Variants in GTF2E1 observed in about 807,000 individuals in gnomAD.
The protein encoded by GTF2E1 is TFIIE alpha subunit.
GTF2E1 carries 14 observed loss-of-function variants against 34.9 expected under a neutral mutation model. The observed-to-expected ratio is 0.40, with a 90% CI of 0.27 to 0.63. The LOEUF is 0.63. Among genes scored for constraint, GTF2E1 ranks in the 20% least tolerant of loss-of-function variants. GTF2E1 has a pLI of 0.39. For synonymous variants in GTF2E1, 188 were observed against 192.9 expected, an observed-to-expected ratio of 0.97 and a Z score of 0.21; for missense variants, 469 against 557.7, an observed-to-expected ratio of 0.84 and a Z score of 1.60.
chr3:120,776,192 G>C (rs1282730950), intron 3 of GTF2E1, among the ~76,000 whole-genome samples: 1 of 151,936 alleles, frequency 6.6e-6, no homozygotes, highest in African/African-American at 2.4e-5. Flanking sequence ...TACATCAGAG[G>C]ATCCCATGTT....
chr3:120,750,984 C>T lies in GTF2E1; in HGVS notation c.432C>T (p.Leu144=). ...STFTDLEANQ[L]FDPMTGTFRC... Reference sequence around the variant, plus strand: ...TCACAGACTTAGAAGCTAATCAGCTCTTTGATCCTATGACAGGTGAGGTTT... The same window carrying T: ...TCACAGACTTAGAAGCTAATCAGCTTTTTGATCCTATGACAGGTGAGGTTT... The change falls in exon 2 of 5, where the codon CTC becomes CTT. Residue 144 remains leucine (L), a synonymous_variant. Transcript: ENST00000283875. 6.2e-7 allele frequency: 1 copy of T among 1,610,758 alleles called. No individual in the cohort carries two copies. The highest frequency in any genetic ancestry group is 1.3e-5 in the African/African-American group (1 of 74,944).
Position 120,770,272 on chromosome 3 carries a change from T to A in GTF2E1, c.449-456T>A, listed in dbSNP as rs115028147. On this transcript the variant is annotated intron_variant, in intron 2 of 4. Transcript: ENST00000283875. ...TTAGATACAAATGGTTAATAAATTT[T>A]AAAAAATAGCCTGTGACAATGTTCA... Among the ~76,000 whole-genome samples the A allele has an allele frequency of 8.1e-3, 1,229 of 152,196 alleles. 13 individuals are homozygous for A. The highest frequency in any genetic ancestry group is 0.028 in the African/African-American group (1,173 of 41,520).
At chr3:120,749,792 C>T (rs1212881950) in intron 1 of GTF2E1, 4 of 152,166 alleles carry the variant, frequency 2.6e-5, no homozygotes, top group African/African-American at 4.8e-5. Context: ...TTTGAGAAGA[C>T]AGCTTTCTGG....
At chr3:120,765,212 A>G (rs959382090) in intron 2 of GTF2E1, among the ~76,000 whole-genome samples, 18 of 152,084 alleles carry the variant, frequency 1.2e-4, no homozygotes, top group Admixed American at 5.2e-4. Context: ...CTGTAGAAGA[A>G]TCCTGAGTTA....
In GTF2E1 at chr3:120,781,156, A is replaced by C; in HGVS notation, c.1006A>C (p.Met336Leu). Residue 336 changes from methionine to leucine, a missense_variant, in exon 5 of 5, where the codon ATG becomes CTG. Transcript: ENST00000283875. ...LIHEKKTSSA[M>L]AGSVGAAAPV... ...TCACGAGAAAAAGACTTCCTCTGCC[A>C]TGGCTGGTTCAGTGGGGGCAGCTGC... The C allele has an allele frequency of 6.2e-7, 1 of 1,614,154 alleles. No homozygotes were observed. The highest frequency in any genetic ancestry group is 8.5e-7 in the Non-Finnish European group (1 of 1,180,022).
intron 1 of GTF2E1, chr3:120,749,872 G>A (rs1416858712): frequency 6.6e-6 from 1 of 152,124 alleles, no homozygotes; most frequent in Non-Finnish European, 1.5e-5. Context: ...AGAATATTTT[G>A]GGCTGCTCTC....
At position 120,769,572 on chromosome 3, in the gene GTF2E1, C is replaced by T. The variant is rs371554603; in HGVS notation, c.449-1156C>T. On this transcript the variant is annotated intron_variant, in intron 2 of 4. Transcript: ENST00000283875. ...CTAGGAGGTGACAAGAACAGAGTGA[C>T]GCTAAAACTAAATGGTAAAGAAGCA... Among the ~76,000 whole-genome samples the T allele has an allele frequency of 7.2e-5, 11 of 152,188 alleles. No individual in the cohort carries two copies. The East Asian group carries it at 1.5e-3, about 21-fold the overall frequency.
At chr3:120,770,631 T>A (rs1709343325) in intron 2 of GTF2E1, 97 bp from the exon 3 acceptor site, 1 of 836,882 alleles carries the variant, frequency 1.2e-6, no homozygotes, top group Non-Finnish European at 2.0e-6. Context: ...TTTGTGTATA[T>A]TTGAAAGTTT....
intron 2 of GTF2E1, among the ~76,000 whole-genome samples, chr3:120,753,892 C>G (rs1033205790): frequency 6.6e-6 from 1 of 152,140 alleles, no homozygotes; most frequent in Non-Finnish European, 1.5e-5. Flanking sequence ...ATGGAATAGC[C>G]TAGCCTTTGC....
At chr3:120,745,194 A>G (rs781608147) in intron 1 of GTF2E1, among the ~76,000 whole-genome samples, 1 of 152,220 alleles carries the variant, frequency 6.6e-6, no homozygotes, top group Non-Finnish European at 1.5e-5. Context: ...TAGCCACTGT[A>G]GCCACTGCAC....
chr3:120,776,307 T>C (rs1021522871), intron 3 of GTF2E1, 116 bp from the exon 4 acceptor site: 45 of 881,586 alleles, frequency 5.1e-5, no homozygotes, highest in Non-Finnish European at 6.9e-5. Context: ...TGTGCATGAT[T>C]GCTAGGTAGC....
chr3:120,753,852 T>C (rs1200749184), intron 2 of GTF2E1, among the ~76,000 whole-genome samples: 1 of 152,216 alleles, frequency 6.6e-6, no homozygotes, highest in Non-Finnish European at 1.5e-5. Flanking sequence ...TTGAACTCTC[T>C]TCAAATGTAT....
intron 2 of GTF2E1, among the ~76,000 whole-genome samples, chr3:120,764,460 CT>C (rs1709290390): frequency 6.6e-6 from 1 of 152,162 alleles, no homozygotes; most frequent in Non-Finnish European, 1.5e-5. Context: ...CTTAAGCACC[CT>C]GTGCCATATC....
At chr3:120,769,547 C>A (rs182796500) in intron 2 of GTF2E1, among the ~76,000 whole-genome samples, 1 of 151,474 alleles carries the variant, frequency 6.6e-6, no homozygotes, top group Admixed American at 6.6e-5. Context: ...TAAATCTTAT[C>A]TAGGAGGTGA....
At position 120,781,701 on chromosome 3, in the gene GTF2E1, C is replaced by T. The variant is rs1709449781; in HGVS notation, c.*231C>T. ...CTGTCACTACAGTATTAATATTTTA[C>T]TGTATTTTCTTTTCTTTTTTTTTTT... On this transcript the variant is annotated 3_prime_UTR_variant, in exon 5 of 5. Coordinates refer to ENST00000283875, the MANE Select transcript of GTF2E1 (RefSeq NM_005513.3). The T allele has an allele frequency of 4.7e-6, 2 of 427,810 alleles. No homozygotes were observed. Among genetic ancestry groups the T allele is most frequent in the South Asian group, 4.4e-5 (1 of 22,706 alleles). The allele number at this position is 427,810 out of a possible 1,614,324, so 26.5% of individuals were successfully genotyped here. A position where few individuals can be genotyped will look rare whatever the true frequency, so the allele number is the denominator to read the frequency against.
At chr3:120,779,404 A>G (rs1389288358) in intron 4 of GTF2E1, among the ~76,000 whole-genome samples, 1 of 152,220 alleles carries the variant, frequency 6.6e-6, no homozygotes, top group Admixed American at 6.5e-5. Context: ...GAGGAGGTTC[A>G]GCCTTTGACA....
At chr3:120,754,648 A>C (rs546086538) in intron 2 of GTF2E1, among the ~76,000 whole-genome samples, 3 of 152,108 alleles carry the variant, frequency 2.0e-5, no homozygotes, top group Non-Finnish European at 2.9e-5. Context: ...CTAAAAACAT[A>C]TATGGCATTG....
At chr3:120,780,263 A>G (rs1000732501) in intron 4 of GTF2E1, among the ~76,000 whole-genome samples, 3 of 152,220 alleles carry the variant, frequency 2.0e-5, no homozygotes, top group East Asian at 1.9e-4. Flanking sequence ...GACAAAGACA[A>G]TAGATGTAAG....
chr3:120,764,410 C>G (rs1354737236), intron 2 of GTF2E1, among the ~76,000 whole-genome samples: 1 of 152,174 alleles, frequency 6.6e-6, no homozygotes, highest in South Asian at 2.1e-4. Context: ...CCTTGGCCAG[C>G]CTTGAGGACA....
Sources: gnomAD v4.1 joint callset for allele counts (sites outside exome capture counted in the v4.1 genomes callset) on GRCh38, gnomAD v4.1.1 for gene constraint, MANE v1.5 for transcripts, NCBI Gene and HGNC (gene_info 2026-07-23, HGNC 2026-07-21) for gene names.